DCDC1: variants seen among roughly 807,000 people sequenced by gnomAD.
DCDC1 encodes the protein doublecortin domain containing 1.
DCDC1 carries 200 observed loss-of-function variants against 178.3 expected under a neutral mutation model. That is an observed-to-expected ratio of 1.12 (90% CI 1.00 to 1.26). The LOEUF (loss-of-function observed/expected upper bound fraction) is 1.26, where lower values mean the gene tolerates loss of function less well. Among genes scored for constraint, DCDC1 ranks in the 50% most tolerant of loss-of-function variants. The pLI, the probability that DCDC1 is intolerant of heterozygous loss-of-function variation, is 0.00. For missense variants in DCDC1, 1,983 were observed against 1,749.2 expected, an observed-to-expected ratio of 1.13 and a Z score of -2.38; for synonymous variants, 690 against 604.8, an observed-to-expected ratio of 1.14 and a Z score of -2.07.
intron 9 of DCDC1, among the ~76,000 whole-genome samples, chr11:31,218,884 G>C (rs547758392): frequency 6.6e-6 from 1 of 152,054 alleles, no homozygotes; most frequent in Non-Finnish European, 1.5e-5. Context: ...AAATTTGGTG[G>C]GTAGATATGT....
At chr11:31,250,634 T>TG (rs1237375516) in intron 8 of DCDC1, among the ~76,000 whole-genome samples, 1 of 151,574 alleles carries the variant, frequency 6.6e-6, no homozygotes, top group East Asian at 2.0e-4. Context: ...ACAGGAGCAG[T>TG]GCTAGATGTA....
At chr11:30,990,479 C>T (rs1218856713) in intron 20 of DCDC1, among the ~76,000 whole-genome samples, 1 of 152,078 alleles carries the variant, frequency 6.6e-6, no homozygotes, top group Non-Finnish European at 1.5e-5. Context: ...GTCGTGGGCT[C>T]TCAGCAAGGA....
At chr11:30,947,377 G>T (rs1364389376) in intron 21 of DCDC1, among the ~76,000 whole-genome samples, 1 of 152,038 alleles carries the variant, frequency 6.6e-6, no homozygotes, top group African/African-American at 2.4e-5. Flanking sequence ...TAGACTAAAT[G>T]AATAGAATAG....
At chr11:30,954,074 C>T (rs1409980618) in intron 20 of DCDC1, among the ~76,000 whole-genome samples, 12 of 136,270 alleles carry the variant, frequency 8.8e-5, no homozygotes, top group African/African-American at 2.5e-4. Context: ...TGCAGTGGCT[C>T]GATCGATCTC....
chr11:30,933,447 A>G (rs1947069713), intron 21 of DCDC1, among the ~76,000 whole-genome samples: 1 of 152,104 alleles, frequency 6.6e-6, no homozygotes, highest in Non-Finnish European at 1.5e-5. Context: ...CTCATCACTT[A>G]TGTGTTAATT....
chr11:30,959,878 T>C (rs1565125352), intron 20 of DCDC1, among the ~76,000 whole-genome samples: 2 of 152,166 alleles, frequency 1.3e-5, no homozygotes, highest in African/African-American at 4.8e-5. Flanking sequence ...GCCAAATCCA[T>C]CACACTCCAC....
rs374745350 is a variant in DCDC1 at position 31,255,473 on chromosome 11, C to CTG, written c.1054+10032_1054+10033dup. On this transcript the variant is annotated intron_variant, in intron 8 of 38. Transcript: ENST00000684477. ...CATCCTCAACAACACTTGTTATTCTCTGTGTGTGTGTGTGAGTATGTGTGT... is the reference window on the plus strand; with the variant it reads ...CATCCTCAACAACACTTGTTATTCTCTGTGTGTGTGTGTGTGAGTATGTGTGT... Among the ~76,000 whole-genome samples, 7 of 151,510 alleles carry CTG rather than the reference C, an allele frequency of 4.6e-5. No homozygotes were observed. In the East Asian group the frequency reaches 1.2e-3, roughly 25 times the overall value.
intron 10 of DCDC1, among the ~76,000 whole-genome samples, chr11:31,128,594 C>A (rs530340389): frequency 1.3e-5 from 2 of 152,148 alleles, no homozygotes; most frequent in South Asian, 4.1e-4. Flanking sequence ...ACAAATTAGA[C>A]CCATTTAGAA....
intron 37 of DCDC1, 90 bp downstream of exon 37, chr11:30,881,068 A>G: frequency 1.4e-6 from 2 of 1,418,196 alleles, no homozygotes; most frequent in Non-Finnish European, 1.9e-6. Context: ...ATTATTAAAA[A>G]TCATTGTGAT....
At chr11:31,080,299 T>C (rs1035659261) in intron 17 of DCDC1, among the ~76,000 whole-genome samples, 6 of 152,240 alleles carry the variant, frequency 3.9e-5, no homozygotes, top group Admixed American at 6.5e-5. Context: ...TGCAGAGAGA[T>C]GAAGTGAGCT....
chr11:31,207,063 T>C (rs1971948291), intron 9 of DCDC1, among the ~76,000 whole-genome samples: 1 of 152,222 alleles, frequency 6.6e-6, no homozygotes, highest in South Asian at 2.1e-4. Flanking sequence ...TTTTTATATC[T>C]ACTTTGGTGA....
chr11:30,885,724 T>C (rs752770145), intron 36 of DCDC1, among the ~76,000 whole-genome samples: 3 of 152,168 alleles, frequency 2.0e-5, no homozygotes, highest in Non-Finnish European at 2.9e-5. Context: ...TGGATGAGAA[T>C]TCTCAATATC....
intron 17 of DCDC1, among the ~76,000 whole-genome samples, chr11:31,085,496 C>T (rs1326195121): frequency 6.6e-6 from 1 of 152,000 alleles, no homozygotes; most frequent in East Asian, 1.9e-4. Context: ...ACAATATGTA[C>T]TTTTTTTGTT....
At position 30,906,721 on chromosome 11, in the gene DCDC1, T is replaced by C. The variant is rs1405156340; in HGVS notation, c.3923A>G (p.Tyr1308Cys). 1.2e-6 allele frequency: 2 copies of C among 1,611,996 alleles called. No homozygotes were observed. Among genetic ancestry groups the C allele is most frequent in the South Asian group, 1.1e-5 (1 of 90,862 alleles). ...CTTTCCATCAGGTGAGAGATAACAG[T>C]ATCCCTAAAATGGGAGACAAAGATG... is the stretch of plus-strand genomic sequence containing the variant. ...IKEENIDQPG[Y>C]CYLSPDGKRK... is the part of the protein sequence containing the mutation. Residue 1308 changes from tyrosine to cysteine, a missense_variant, in exon 30 of 39, where the codon TAC (tyrosine) becomes TGC (cysteine). Tyr to Cys is a radical substitution (Grantham distance 194). Coordinates refer to ENST00000684477, the MANE Select transcript of DCDC1 (RefSeq NM_001387274.1).
intron 16 of DCDC1, among the ~76,000 whole-genome samples, chr11:31,093,406 G>A (rs1225598044): frequency 1.3e-5 from 2 of 152,140 alleles, no homozygotes; most frequent in African/African-American, 4.8e-5. Flanking sequence ...GGGACAAAGG[G>A]AGATACAGGA....
chr11:30,973,489 A>G (rs1446881997), intron 20 of DCDC1, among the ~76,000 whole-genome samples: 1 of 152,056 alleles, frequency 6.6e-6, no homozygotes, highest in African/African-American at 2.4e-5. Context: ...GAACACATTA[A>G]TACAGTGGCT....
chr11:30,867,494 A>T (rs1303116111), intron 38 of DCDC1, among the ~76,000 whole-genome samples: 2 of 152,206 alleles, frequency 1.3e-5, no homozygotes, highest in Non-Finnish European at 2.9e-5. Flanking sequence ...CACTCTAAAA[A>T]TGTTAGTGCC....
At chr11:30,944,206 C>G in intron 21 of DCDC1, 1 of 414,412 alleles carries the variant, frequency 2.4e-6, no homozygotes, top group South Asian at 1.8e-5. Flanking sequence ...TCCCTTCCTT[C>G]TCCTTTATTC....
intron 20 of DCDC1, among the ~76,000 whole-genome samples, chr11:31,059,993 G>C (rs1955823948): frequency 6.6e-6 from 1 of 151,922 alleles, no homozygotes; most frequent in Admixed American, 6.6e-5. Flanking sequence ...GACTATAACA[G>C]TTCCTTTAGC....
Sources: gnomAD v4.1 joint callset for allele counts (sites outside exome capture counted in the v4.1 genomes callset) on GRCh38, gnomAD v4.1.1 for gene constraint, MANE v1.5 for transcripts, NCBI Gene and HGNC (gene_info 2026-07-23, HGNC 2026-07-21) for gene names.